Variants in LRBA observed in about 807,000 individuals in gnomAD.
The protein encoded by LRBA is LPS responsive beige-like anchor protein.
LRBA carries 176 observed loss-of-function variants against 330.0 expected under a neutral mutation model. The observed-to-expected ratio is 0.53, with a 90% CI of 0.47 to 0.60. The LOEUF (loss-of-function observed/expected upper bound fraction) is 0.60. Ranked by LOEUF, LRBA falls within the 20% of genes least tolerant of loss-of-function variation. LRBA has a pLI of 0.00. For synonymous variants in LRBA, 1,230 were observed against 1,193.0 expected, an observed-to-expected ratio of 1.03 and a Z score of -0.64; for missense variants, 3,259 against 3,444.8, an observed-to-expected ratio of 0.95 and a Z score of 1.35.
chr4:150,434,625 G>A (rs1415531165), intron 46 of LRBA, among the ~76,000 whole-genome samples: 1 of 152,132 alleles, frequency 6.6e-6, no homozygotes, highest in East Asian at 1.9e-4. Context: ...GGTGGCTGAG[G>A]AAGGAAGATC....
chr4:150,908,137 A>G (rs1731553159), intron 11 of LRBA, among the ~76,000 whole-genome samples, 197 bp downstream of exon 11: 1 of 152,160 alleles, frequency 6.6e-6, no homozygotes, highest in Non-Finnish European at 1.5e-5. Context: ...TGTTTCTTAC[A>G]GCTTCCATAT....
chr4:150,755,425 A>G (rs996708730), intron 35 of LRBA, among the ~76,000 whole-genome samples: 8 of 152,216 alleles, frequency 5.3e-5, no homozygotes, highest in Admixed American at 2.6e-4. Context: ...GAGTCACAGC[A>G]GCACATCTAA....
In LRBA at chr4:150,958,175, C is replaced by A. The variant is rs561463676; in HGVS notation, c.217-29110G>T. Among the ~76,000 whole-genome samples the A allele has an allele frequency of 4.7e-5, 7 of 149,086 alleles. No individual in the cohort carries two copies. In the East Asian group the frequency reaches 1.2e-3, roughly 25 times the overall value. On this transcript the variant is annotated intron_variant, in intron 2 of 56. Coordinates refer to ENST00000651943, the MANE Select transcript of LRBA (RefSeq NM_001364905.1). ...CAGAGGTTCTCTGTGAGGGCTCCACCCCTGCAGCACACCTCTGCCTGGACA... is the reference window on the plus strand; with the variant it reads ...CAGAGGTTCTCTGTGAGGGCTCCACACCTGCAGCACACCTCTGCCTGGACA...
At chr4:150,407,578 A>G (rs909288882) in intron 47 of LRBA, among the ~76,000 whole-genome samples, 6 of 152,244 alleles carry the variant, frequency 3.9e-5, no homozygotes, top group Admixed American at 6.5e-5. Flanking sequence ...CAGAATATCC[A>G]TTCTTCTAAA....
Position 150,315,555 on chromosome 4 carries a change from A to C in LRBA, c.7693+6T>G. 6.2e-7 allele frequency: 1 copy of C among 1,611,136 alleles called. No individual in the cohort carries two copies. Among genetic ancestry groups the C allele is most frequent in the Non-Finnish European group, 8.5e-7 (1 of 1,177,548 alleles). On this transcript the variant is annotated splice_donor_region_variant and intron_variant, in intron 51 of 56. Coordinates refer to ENST00000651943, the MANE Select transcript of LRBA (RefSeq NM_001364905.1). ...TGAATCGCAAAGAGAGAAGGAAGTG[A>C]CAGACCTATGAGAGGATCGATTTCC...
intron 37 of LRBA, among the ~76,000 whole-genome samples, chr4:150,637,975 C>A (rs1274448134): frequency 6.6e-6 from 1 of 152,016 alleles, no homozygotes; most frequent in Admixed American, 6.6e-5. Context: ...CTACCAATTT[C>A]TATTAAAAAA....
intron 46 of LRBA, among the ~76,000 whole-genome samples, chr4:150,419,965 C>A (rs1000928066): frequency 6.7e-6 from 1 of 149,700 alleles, no homozygotes; most frequent in East Asian, 2.0e-4. Context: ...GCCCAGGCAC[C>A]GTGGCTAAGG....
At chr4:150,752,706 G>A (rs1401501405) in intron 35 of LRBA, among the ~76,000 whole-genome samples, 3 of 152,020 alleles carry the variant, frequency 2.0e-5, no homozygotes, top group Admixed American at 6.6e-5. Flanking sequence ...TAATATAAAT[G>A]TTACATCCTC....
chr4:150,848,239 T>G (rs944823356), intron 26 of LRBA, among the ~76,000 whole-genome samples: 2 of 152,158 alleles, frequency 1.3e-5, no homozygotes, highest in East Asian at 1.9e-4. Flanking sequence ...GGTCTTGAAC[T>G]CCTGACCTCA....
intron 36 of LRBA, among the ~76,000 whole-genome samples, chr4:150,734,715 A>G (rs1272762796): frequency 6.6e-6 from 1 of 152,150 alleles, no homozygotes; most frequent in African/African-American, 2.4e-5. Context: ...GAGATAAGCA[A>G]TGGTCCCAGG....
In LRBA at chr4:150,852,611, A is replaced by G. The variant is rs765472132; in HGVS notation, c.3099T>C (p.Thr1033=). 3 of 1,613,986 alleles carry G rather than the reference A, an allele frequency of 1.9e-6. No homozygotes were observed. Among genetic ancestry groups the G allele is most frequent in the Non-Finnish European group, 2.5e-6 (3 of 1,179,954 alleles). ...QENQELPDEG[T]LEETLTNETR... ...TCTCATTTGTCAGTGTTTCTTCCAAAGTGCCTTCATCTGGTAACTCCTGAT... is the reference window on the plus strand; with the variant it reads ...TCTCATTTGTCAGTGTTTCTTCCAAGGTGCCTTCATCTGGTAACTCCTGAT... Residue 1033 remains threonine, a synonymous_variant, in exon 23 of 57, where the codon ACT becomes ACC. Coordinates refer to ENST00000651943, the MANE Select transcript of LRBA (RefSeq NM_001364905.1).
At chr4:150,385,956 G>C (rs957357049) in intron 47 of LRBA, among the ~76,000 whole-genome samples, 3 of 152,084 alleles carry the variant, frequency 2.0e-5, no homozygotes, top group Admixed American at 6.6e-5. Flanking sequence ...GACCCATAAG[G>C]CTGACTCGGC....
Position 150,321,511 on chromosome 4 carries a change from GAGCAGAAAGGCTTGTAGAAAC to G in LRBA, c.7453-164_7453-144del, listed in dbSNP as rs1483395494. On this transcript the variant is annotated intron_variant, in intron 49 of 56. Coordinates refer to ENST00000651943, the MANE Select transcript of LRBA (RefSeq NM_001364905.1). This position sits in a 1 kb window ranked among gnomAD's most constrained non-coding sequence, Gnocchi z 4.5. ...CATGAGTTGTAAGTGGAAGCACAGT[GAGCAGAAAGGCTTGTAGAAAC>G]AGCAGTCATGATCTGTTATTCATGT... 4.9e-6 allele frequency: 3 copies of G among 608,692 alleles called. No homozygotes were observed. The highest frequency in any genetic ancestry group is 8.0e-6 in the Non-Finnish European group (3 of 374,250). 37.7% of individuals were successfully genotyped at this position (608,692 alleles called of 1,614,324 possible). A position where few individuals can be genotyped will look rare whatever the true frequency, so the allele number is the denominator to read the frequency against.
At chr4:150,513,325 G>A (rs955440463) in intron 40 of LRBA, among the ~76,000 whole-genome samples, 2 of 152,162 alleles carry the variant, frequency 1.3e-5, no homozygotes, top group Non-Finnish European at 2.9e-5. Flanking sequence ...ACAGCAATGG[G>A]CAGGTTTGTT....
At chr4:150,370,921 A>G (rs1740186981) in intron 47 of LRBA, among the ~76,000 whole-genome samples, 1 of 152,146 alleles carries the variant, frequency 6.6e-6, no homozygotes, top group African/African-American at 2.4e-5. Flanking sequence ...CATGCCTAAG[A>G]AAGTTGCTGG....
At chr4:150,352,311 T>C (rs1737287735) in intron 47 of LRBA, among the ~76,000 whole-genome samples, 1 of 152,170 alleles carries the variant, frequency 6.6e-6, no homozygotes, top group Admixed American at 6.5e-5. Context: ...TACGCTTTAT[T>C]AAAATAAGTG....
intron 37 of LRBA, among the ~76,000 whole-genome samples, chr4:150,656,800 A>T (rs1780232876): frequency 1.3e-5 from 2 of 152,218 alleles, no homozygotes; most frequent in Admixed American, 1.3e-4. Context: ...AATGTTGCAA[A>T]CAGTGAAACT....
chr4:150,980,205 C>T (rs1436153282), intron 2 of LRBA, among the ~76,000 whole-genome samples: 1 of 152,034 alleles, frequency 6.6e-6, no homozygotes, highest in Admixed American at 6.6e-5. Flanking sequence ...ATCATATTAA[C>T]AGAATGGAGA....
At chr4:150,691,309 A>C (rs1784119336) in intron 36 of LRBA, among the ~76,000 whole-genome samples, 1 of 152,206 alleles carries the variant, frequency 6.6e-6, no homozygotes. Flanking sequence ...ACATACATCT[A>C]AATGACAAAT....
Sources: allele counts gnomAD v4.1 joint callset (sites outside exome capture counted in the v4.1 genomes callset), GRCh38; gene constraint gnomAD v4.1.1; non-coding constraint Gnocchi (gnomAD v3.1); transcripts MANE v1.5; gene names NCBI Gene and HGNC (gene_info 2026-07-23, HGNC 2026-07-21).